Variants in TACR1 observed in about 807,000 individuals in gnomAD.
The protein encoded by TACR1 is tachykinin receptor 1, also known as substance-P receptor.
In TACR1, 25 loss-of-function variants were observed where a neutral mutation model predicts 35.8. The ratio of observed to expected loss-of-function variants is 0.70; its 90% CI spans 0.51 to 0.98. TACR1 has a LOEUF of 0.98. Ranked by LOEUF, TACR1 falls within the 50% of genes least tolerant of loss-of-function variation. The pLI is 0.00. For missense variants in TACR1, 478 were observed against 522.9 expected (o/e 0.91, Z 0.84); for synonymous variants, 195 against 206.7 (o/e 0.94, Z 0.48).
At chr2:75,115,022 C>A (rs1673822137) in intron 2 of TACR1, among the ~76,000 whole-genome samples, 2 of 151,592 alleles carry the variant, frequency 1.3e-5, no homozygotes, top group South Asian at 4.2e-4. Flanking sequence ...GTTTATCTTA[C>A]CAGTCAGTTA....
chr2:75,083,055 T>G, intron 2 of TACR1, among the ~76,000 whole-genome samples: 1 of 152,222 alleles, frequency 6.6e-6, no homozygotes, highest in Non-Finnish European at 1.5e-5. Context: ...TTTTATGGTT[T>G]TAGGTCTAAC....
chr2:75,127,107 C>T (rs1331145672), intron 1 of TACR1, among the ~76,000 whole-genome samples: 1 of 152,200 alleles, frequency 6.6e-6, no homozygotes, highest in Non-Finnish European at 1.5e-5. Context: ...GAACAAATTG[C>T]TCCATCCATT....
intron 2 of TACR1, among the ~76,000 whole-genome samples, chr2:75,075,627 T>G (rs1287569536): frequency 6.6e-6 from 1 of 152,196 alleles, no homozygotes; most frequent in Non-Finnish European, 1.5e-5. Flanking sequence ...AATCAAAATA[T>G]GTCAATGTTC....
intron 1 of TACR1, among the ~76,000 whole-genome samples, chr2:75,180,623 G>A (rs1366365060): frequency 6.6e-6 from 1 of 152,152 alleles, no homozygotes; most frequent in African/African-American, 2.4e-5. Flanking sequence ...TAGCTAGCCT[G>A]TGGAAGCATG....
intron 2 of TACR1, among the ~76,000 whole-genome samples, chr2:75,086,335 T>C (rs111601999): frequency 0.017 from 2,532 of 152,352 alleles, 57 homozygotes; most frequent in African/African-American, 0.057. Flanking sequence ...GTCCATGATA[T>C]GTTTTTGCAT....
intron 1 of TACR1, among the ~76,000 whole-genome samples, chr2:75,177,373 G>A (rs554639104): frequency 6.8e-4 from 103 of 152,136 alleles, no homozygotes; most frequent in Non-Finnish European, 1.2e-3. Flanking sequence ...GTTTCTTGTC[G>A]TCCTCACTTC....
intron 2 of TACR1, among the ~76,000 whole-genome samples, chr2:75,089,494 C>A (rs72918521): frequency 0.047 from 7,198 of 152,252 alleles, 542 homozygotes; most frequent in African/African-American, 0.16. Context: ...AGCACCCTTT[C>A]GGGAGTCATC....
intron 1 of TACR1, among the ~76,000 whole-genome samples, chr2:75,176,664 A>G (rs10865408): frequency 6.6e-6 from 1 of 151,890 alleles, no homozygotes; most frequent in East Asian, 1.9e-4. Flanking sequence ...TGGAGCCCCA[A>G]GTACTCCCCA....
chr2:75,126,281 A>G (rs1336761503), intron 1 of TACR1, among the ~76,000 whole-genome samples: 1 of 152,194 alleles, frequency 6.6e-6, no homozygotes, highest in Admixed American at 6.5e-5. Flanking sequence ...AATTATATAT[A>G]TAGTATTCCA....
intron 1 of TACR1, among the ~76,000 whole-genome samples, chr2:75,154,758 T>C (rs1674803474): frequency 1.3e-5 from 2 of 152,024 alleles, no homozygotes; most frequent in Non-Finnish European, 1.5e-5. Flanking sequence ...TCTCTCCCTG[T>C]CTATCTACCC....
At position 75,167,686 on chromosome 2, in the gene TACR1, A is replaced by G. The variant is rs77031849; in HGVS notation, c.389+30860T>C. On this transcript the variant is annotated intron_variant, in intron 1 of 4. Transcript: ENST00000305249. ...GGGTGACAGAGAACATTTTAAACTA[A>G]AAATCAGTAGTGAACAAATAAATGC... Among the ~76,000 whole-genome samples the G allele has an allele frequency of 1.0e-3, 154 of 152,330 alleles. 1 individual carries two copies. Among genetic ancestry groups the G allele is most frequent in the Admixed American group, 2.6e-3 (40 of 15,306 alleles).
chr2:75,180,857 A>G (rs1028082791), intron 1 of TACR1, among the ~76,000 whole-genome samples: 1 of 152,224 alleles, frequency 6.6e-6, no homozygotes, highest in African/African-American at 2.4e-5. Flanking sequence ...TTGTGGCAAT[A>G]TATAACTGAT....
chr2:75,194,167 G>A (rs1675912611), intron 1 of TACR1, among the ~76,000 whole-genome samples: 2 of 152,184 alleles, frequency 1.3e-5, no homozygotes, highest in African/African-American at 4.8e-5. Flanking sequence ...AGTAGGGAGA[G>A]AGTGTGGCAA....
Position 75,108,826 on chromosome 2 carries a change from TAAAATCATTTC to T in TACR1, c.584+11737_584+11747del, listed in dbSNP as rs796436210. ...TTGATGTATCACCAGCTGGAAAAAATAAAATCATTTCAAAATCATTTCAAAATTTGTACATA... is the reference window on the plus strand; with the variant it reads ...TTGATGTATCACCAGCTGGAAAAAATAAAATCATTTCAAAATTTGTACATA... On this transcript the variant is annotated intron_variant, in intron 2 of 4. Transcript: ENST00000305249. Among the ~76,000 whole-genome samples the T allele has an allele frequency of 1.6e-4, 24 of 152,258 alleles. No homozygotes were observed. The East Asian group carries it at 2.3e-3, about 15-fold the overall frequency.
At chr2:75,154,768 CT>C (rs1232759547) in intron 1 of TACR1, among the ~76,000 whole-genome samples, 6 of 151,952 alleles carry the variant, frequency 3.9e-5, no homozygotes, top group Admixed American at 6.5e-5. Context: ...TCTATCTACC[CT>C]GCATCCCTGC....
At chr2:75,131,588 G>T (rs1006502751) in intron 1 of TACR1, among the ~76,000 whole-genome samples, 3 of 152,152 alleles carry the variant, frequency 2.0e-5, no homozygotes, top group African/African-American at 7.2e-5. Context: ...GAACAGAAAT[G>T]TACTTGTAAT....
intron 1 of TACR1, among the ~76,000 whole-genome samples, chr2:75,185,517 A>C (rs538239892): frequency 1.1e-4 from 17 of 152,250 alleles, no homozygotes; most frequent in African/African-American, 4.1e-4. Flanking sequence ...TCTGCAATTC[A>C]ATATGGAATT....
At chr2:75,076,617 G>A (rs1047626638) in intron 2 of TACR1, among the ~76,000 whole-genome samples, 4 of 152,252 alleles carry the variant, frequency 2.6e-5, no homozygotes, top group South Asian at 4.2e-4. Context: ...AATTTCAAAC[G>A]CAGCATAAAA....
chr2:75,140,091 ATCTT>A (rs1490422823), intron 1 of TACR1, among the ~76,000 whole-genome samples: 1 of 152,184 alleles, frequency 6.6e-6, no homozygotes, highest in African/African-American at 2.4e-5. Flanking sequence ...GATTATCTCT[ATCTT>A]TCCTGGCCAC....
Sources: gnomAD v4.1 joint callset for allele counts (sites outside exome capture counted in the v4.1 genomes callset) on GRCh38, gnomAD v4.1.1 for gene constraint, MANE v1.5 for transcripts, NCBI Gene and HGNC (gene_info 2026-07-23, HGNC 2026-07-21) for gene names.